The following WNT7A variants were observed in gnomAD, a reference collection of about 807,000 sequenced individuals.
The protein encoded by WNT7A is Wnt family member 7A.
In WNT7A, 16 loss-of-function variants were observed where a neutral mutation model predicts 28.2. The observed-to-expected ratio is 0.57, with a 90% CI of 0.38 to 0.86. WNT7A has a LOEUF of 0.86. WNT7A is among the 40% of genes least tolerant of loss of function. The pLI, the probability that WNT7A is intolerant of heterozygous loss-of-function variation, is 0.00. For synonymous variants in WNT7A, 190 were observed against 195.9 expected, an observed-to-expected ratio of 0.97 and a Z score of 0.25; for missense variants, 411 against 489.7, an observed-to-expected ratio of 0.84 and a Z score of 1.52.
rs967750852 is a variant in WNT7A at position 13,819,046 on chromosome 3, G to A, written c.948C>T (p.His316=). 1.2e-6 allele frequency: 2 copies of A among 1,613,622 alleles called. No individual in the cohort carries two copies. The highest frequency in any genetic ancestry group is 2.7e-5 in the African/African-American group (2 of 74,940). ...LMCCGRGYNT[H]QYARVWQCNC... is the part of the protein sequence containing the mutation. ...TGCACTGCCACACGCGGGCGTACTG[G>A]TGGGTGTTGTAGCCACGCCCACAGC... The change falls in exon 4 of 4, where the codon CAC becomes CAT. Residue 316 remains histidine (H), a synonymous_variant. Transcript: ENST00000285018.
At chr3:13,864,489 T>A (rs573776844) in intron 2 of WNT7A, among the ~76,000 whole-genome samples, 1 of 152,124 alleles carries the variant, frequency 6.6e-6, no homozygotes, top group South Asian at 2.1e-4. Context: ...AGGTGACCCA[T>A]GTGGGCAGCT....
chr3:13,818,350 G>GAAAAAAAAAAAAAAAAAAA lies in WNT7A; in HGVS notation c.*593_*594insTTTTTTTTTTTTTTTTTTT, dbSNP rs1491270987. On this transcript the variant is annotated 3_prime_UTR_variant, in exon 4 of 4. Transcript: ENST00000285018. Reference sequence around the variant, plus strand: ...ATTTCTGGATAAGTAGCAGCAAACAGCAAAAAAAAAAAAAAAAATGTGTGT... The same window carrying GAAAAAAAAAAAAAAAAAAA: ...ATTTCTGGATAAGTAGCAGCAAACAGAAAAAAAAAAAAAAAAAAACAAAAAAAAAAAAAAAAATGTGTGT... 3.3e-4 allele frequency: 6 copies of GAAAAAAAAAAAAAAAAAAA among 18,160 alleles called. 1 individual carries two copies. The highest frequency in any genetic ancestry group is 2.8e-3 in the African/African-American group (6 of 2,166). 1.1% of individuals were successfully genotyped at this position (18,160 alleles called of 1,614,324 possible).
At chr3:13,871,654 G>T (rs1296293878) in intron 2 of WNT7A, among the ~76,000 whole-genome samples, 2 of 151,828 alleles carry the variant, frequency 1.3e-5, no homozygotes, top group African/African-American at 4.8e-5. Context: ...CCTCCTTCCT[G>T]GCTGGTGGAT....
intron 2 of WNT7A, among the ~76,000 whole-genome samples, chr3:13,863,438 GTATA>G (rs1231479040): frequency 6.7e-6 from 1 of 148,380 alleles, no homozygotes; most frequent in African/African-American, 2.6e-5. Flanking sequence ...GTGTGTATGT[GTATA>G]TGTGTGTGTG....
chr3:13,871,120 T>C (rs927210390), intron 2 of WNT7A, among the ~76,000 whole-genome samples: 1 of 152,230 alleles, frequency 6.6e-6, no homozygotes, highest in Non-Finnish European at 1.5e-5. Flanking sequence ...TGTGGCCATG[T>C]GACTAAGTTC....
chr3:13,824,370 C>G (rs889863949), intron 3 of WNT7A, among the ~76,000 whole-genome samples: 3 of 152,338 alleles, frequency 2.0e-5, no homozygotes, highest in African/African-American at 2.4e-5. Context: ...TTTTGCGTCT[C>G]TAGCTTCCTT....
rs1238573530 is a variant in WNT7A, at chr3:13,856,908, G to GAAA, written c.299-2106_299-2105insTTT. 1.6e-3 allele frequency among the ~76,000 whole-genome samples: 122 copies of GAAA among 74,490 alleles called. 3 individuals carry two copies. The highest frequency in any genetic ancestry group is 7.9e-3 in the African/African-American group (114 of 14,474). The allele number at this position is 74,490 out of a possible 152,430, so 48.9% of individuals were successfully genotyped here. The stretch of plus-strand genomic sequence containing the variant: ...AGAAGAAGAAAAAGAAGAAGAAGAA[G>GAAA]AAGAAGAAGAAGAAGAAGAAGAAGA... On this transcript the variant is annotated intron_variant, in intron 2 of 3. Coordinates refer to ENST00000285018, the MANE Select transcript of WNT7A (RefSeq NM_004625.4).
chr3:13,876,830 GC>G (rs1353643842), intron 1 of WNT7A: 11 of 152,210 alleles, frequency 7.2e-5, no homozygotes, highest in African/African-American at 2.7e-4. Flanking sequence ...TCCCTGACCA[GC>G]CCAGCTAAGG....
intron 3 of WNT7A, among the ~76,000 whole-genome samples, chr3:13,829,587 T>C (rs1225672772): frequency 6.6e-6 from 1 of 152,162 alleles, no homozygotes; most frequent in African/African-American, 2.4e-5. Context: ...ATGGAGGTCC[T>C]GCTTCTGTCT....
chr3:13,849,773 T>C (rs1694598421), intron 3 of WNT7A, among the ~76,000 whole-genome samples: 2 of 152,134 alleles, frequency 1.3e-5, no homozygotes, highest in African/African-American at 4.8e-5. Context: ...ATTGAAGGAA[T>C]ACAAGGAGCT....
At position 13,818,768 on chromosome 3, in the gene WNT7A, T is replaced by C. The variant is rs1694059571; in HGVS notation, c.*176A>G. 1.0e-6 allele frequency: 1 copy of C among 992,430 alleles called. No individual in the cohort carries two copies. Among genetic ancestry groups the C allele is most frequent in the African/African-American group, 1.6e-5 (1 of 61,160 alleles). The allele number at this position is 992,430 out of a possible 1,614,324, so 61.5% of individuals were successfully genotyped here. A position where few individuals can be genotyped will look rare whatever the true frequency, so the allele number is the denominator to read the frequency against. Reference sequence around the variant, plus strand: ...CAGCATTGGGTGTGGAACAGAATAGTTGAGGGCTCTGAGAGATTTTTTTTC... The same window carrying C: ...CAGCATTGGGTGTGGAACAGAATAGCTGAGGGCTCTGAGAGATTTTTTTTC... On this transcript the variant is annotated 3_prime_UTR_variant, in exon 4 of 4. Coordinates refer to ENST00000285018, the MANE Select transcript of WNT7A (RefSeq NM_004625.4).
intron 1 of WNT7A, among the ~76,000 whole-genome samples, chr3:13,876,740 C>T (rs1175175083): frequency 6.8e-6 from 1 of 147,202 alleles, no homozygotes; most frequent in Non-Finnish European, 1.5e-5. Context: ...CCTTGCTCCT[C>T]CTCTCCCTGG....
At chr3:13,834,623 G>A (rs1575062486) in intron 3 of WNT7A, among the ~76,000 whole-genome samples, 1 of 152,058 alleles carries the variant, frequency 6.6e-6, no homozygotes, top group Non-Finnish European at 1.5e-5. Flanking sequence ...GCATGCTCCT[G>A]CCTCTGGGCC....
chr3:13,825,192 T>C (rs1694174543), intron 3 of WNT7A, among the ~76,000 whole-genome samples: 1 of 151,946 alleles, frequency 6.6e-6, no homozygotes, highest in African/African-American at 2.4e-5. Flanking sequence ...CAAACAGGAG[T>C]CTTACTTTTC....
At chr3:13,835,409 A>G (rs1694351134) in intron 3 of WNT7A, among the ~76,000 whole-genome samples, 1 of 152,226 alleles carries the variant, frequency 6.6e-6, no homozygotes, top group South Asian at 2.1e-4. Flanking sequence ...CGAGGGCAAA[A>G]CCGCTGTGAA....
rs747893359 is a variant in WNT7A, at chr3:13,817,571, C to A, written c.*1373G>T. The A allele has an allele frequency of 2.0e-5, 3 of 152,246 alleles. No homozygotes were observed. The highest frequency in any genetic ancestry group is 7.2e-5 in the African/African-American group (3 of 41,444). 9.4% of individuals were successfully genotyped at this position (152,246 alleles called of 1,614,324 possible). A position where few individuals can be genotyped will look rare whatever the true frequency, so the allele number is the denominator to read the frequency against. On this transcript the variant is annotated 3_prime_UTR_variant, in exon 4 of 4. Transcript: ENST00000285018. ...TGTAGCTGGACCCAAAGCAAAGTGG[C>A]CTCACTTGAACCTCTCTCTGCTGCT...
Position 13,875,387 on chromosome 3 carries a change from G to A in WNT7A, c.72-214C>T, listed in dbSNP as rs1222616060. Among the ~76,000 whole-genome samples the A allele has an allele frequency of 2.6e-5, 4 of 152,142 alleles. No homozygotes were observed. In the East Asian group the frequency reaches 5.8e-4, roughly 22 times the overall value. Reference sequence around the variant, plus strand: ...ATCAATGCGTATACCCAATATCAGTGAAACATACACACACTTGATTTTTGT... The same window carrying A: ...ATCAATGCGTATACCCAATATCAGTAAAACATACACACACTTGATTTTTGT... On this transcript the variant is annotated intron_variant, in intron 1 of 3. Coordinates refer to ENST00000285018, the MANE Select transcript of WNT7A (RefSeq NM_004625.4).
chr3:13,819,828 G>T (rs764025897), intron 3 of WNT7A, among the ~76,000 whole-genome samples: 4 of 152,176 alleles, frequency 2.6e-5, no homozygotes, highest in Admixed American at 6.5e-5. Flanking sequence ...TGAAGTTCAA[G>T]AATTGAATGG....
At chr3:13,845,684 T>C (rs889687964) in intron 3 of WNT7A, among the ~76,000 whole-genome samples, 1 of 152,116 alleles carries the variant, frequency 6.6e-6, no homozygotes, top group Admixed American at 6.5e-5. Flanking sequence ...GCCTGCCCCC[T>C]GTACACTCCT....
Sources: allele counts gnomAD v4.1 joint callset (sites outside exome capture counted in the v4.1 genomes callset), GRCh38; gene constraint gnomAD v4.1.1; transcripts MANE v1.5; gene names NCBI Gene and HGNC (gene_info 2026-07-23, HGNC 2026-07-21).